Variants in BTBD9 observed in about 807,000 individuals in gnomAD.
BTBD9 encodes BTB domain containing 9.
Under a neutral mutation model 64.3 loss-of-function variants are expected in BTBD9, and 49 were observed. The observed-to-expected ratio is 0.76, with a 90% CI of 0.61 to 0.97. The LOEUF (loss-of-function observed/expected upper bound fraction) is 0.97, where lower values mean the gene tolerates loss of function less well. BTBD9 is among the 50% of genes least tolerant of loss of function. BTBD9 has a pLI of 0.00. For missense variants in BTBD9, 598 were observed against 762.1 expected (o/e 0.78, Z 2.53); for synonymous variants, 260 against 274.7 (o/e 0.95, Z 0.53).
chr6:38,577,519 T>A, intron 6 of BTBD9, 81 bp downstream of exon 6: 1 of 1,389,530 alleles, frequency 7.2e-7, no homozygotes, highest in South Asian at 1.3e-5. Flanking sequence ...TTTTTCAAGA[T>A]GAAAAATGCA....
chr6:38,183,766 G>A (rs1012456455), intron 10 of BTBD9, among the ~76,000 whole-genome samples: 29 of 152,180 alleles, frequency 1.9e-4, no homozygotes, highest in Non-Finnish European at 4.3e-4. Context: ...CAAGGGCATG[G>A]CAGTCACAGC....
chr6:38,579,188 G>T (rs1028848170), intron 5 of BTBD9, among the ~76,000 whole-genome samples: 2 of 152,286 alleles, frequency 1.3e-5, no homozygotes, highest in East Asian at 1.9e-4. Context: ...TCATGTACAT[G>T]GGAAATGCTG....
chr6:38,290,059 T>C (rs12206324), intron 7 of BTBD9, among the ~76,000 whole-genome samples: 49,101 of 150,906 alleles, frequency 0.33, 9,398 homozygotes, highest in Non-Finnish European at 0.45. Flanking sequence ...AACTCATTTA[T>C]TTTCCAAAGT....
At chr6:38,303,951 G>GTGTA (rs1450621758) in intron 7 of BTBD9, among the ~76,000 whole-genome samples, 1 of 131,368 alleles carries the variant, frequency 7.6e-6, no homozygotes, top group African/African-American at 3.2e-5. Context: ...GTGTGTGTGT[G>GTGTA]TATATATATA....
chr6:38,369,959 A>G (rs1317456489), intron 6 of BTBD9, among the ~76,000 whole-genome samples: 1 of 151,830 alleles, frequency 6.6e-6, no homozygotes, highest in Non-Finnish European at 1.5e-5. Context: ...CAGAGAGGAG[A>G]CTACACAGGC....
intron 6 of BTBD9, among the ~76,000 whole-genome samples, chr6:38,516,462 G>A (rs556118641): frequency 2.5e-4 from 38 of 152,274 alleles, no homozygotes; most frequent in Middle Eastern, 3.4e-3. Flanking sequence ...ACTACAGACC[G>A]GCAAAGAATT....
At chr6:38,235,440 G>GA (rs1763744082) in intron 9 of BTBD9, among the ~76,000 whole-genome samples, 1 of 152,168 alleles carries the variant, frequency 6.6e-6, no homozygotes, top group African/African-American at 2.4e-5. Flanking sequence ...TACAAAGAGG[G>GA]AAATGATTCT....
At chr6:38,497,507 G>A (rs1368670243) in intron 6 of BTBD9, among the ~76,000 whole-genome samples, 1 of 152,064 alleles carries the variant, frequency 6.6e-6, no homozygotes, top group Non-Finnish European at 1.5e-5. Context: ...AGGTTTCCCG[G>A]ACCCTACACA....
chr6:38,635,557 T>C (rs1410135865), intron 1 of BTBD9, among the ~76,000 whole-genome samples: 4 of 152,192 alleles, frequency 2.6e-5, no homozygotes, highest in Non-Finnish European at 5.9e-5. Context: ...GGATCTTTAG[T>C]GATTAGGCCA....
chr6:38,526,282 T>C (rs1773486559), intron 6 of BTBD9, among the ~76,000 whole-genome samples: 1 of 152,224 alleles, frequency 6.6e-6, no homozygotes, highest in South Asian at 2.1e-4. Context: ...TGGCGGCTTC[T>C]AAGTGGTATT....
chr6:38,257,387 G>A (rs1764630981), intron 8 of BTBD9, among the ~76,000 whole-genome samples: 1 of 150,556 alleles, frequency 6.6e-6, no homozygotes, highest in Non-Finnish European at 1.5e-5. Context: ...TGTAGAGTCA[G>A]GGTCTCGCTA....
intron 6 of BTBD9, chr6:38,504,514 T>A (rs1582541117): frequency 2.2e-6 from 1 of 456,712 alleles, no homozygotes; most frequent in Non-Finnish European, 4.4e-6. Context: ...CTTTGCACTG[T>A]CACTGTCAGT....
At chr6:38,609,803 G>T (rs1410203824) in intron 1 of BTBD9, among the ~76,000 whole-genome samples, 1 of 152,140 alleles carries the variant, frequency 6.6e-6, no homozygotes, top group Non-Finnish European at 1.5e-5. Flanking sequence ...CATCAAGGTT[G>T]ATCTCTGTTC....
intron 6 of BTBD9, among the ~76,000 whole-genome samples, chr6:38,411,738 C>T (rs1004853821): frequency 3.3e-5 from 5 of 152,096 alleles, no homozygotes; most frequent in African/African-American, 1.2e-4. Flanking sequence ...GAGTTTGAGA[C>T]CAGCCTGGGC....
At chr6:38,321,116 C>G (rs1184649749) in intron 7 of BTBD9, among the ~76,000 whole-genome samples, 1 of 152,190 alleles carries the variant, frequency 6.6e-6, no homozygotes, top group Non-Finnish European at 1.5e-5. Flanking sequence ...TTTAATTAAA[C>G]GAAGGGGTCT....
intron 1 of BTBD9, among the ~76,000 whole-genome samples, chr6:38,617,042 G>C (rs1238158820): frequency 6.6e-6 from 1 of 152,156 alleles, no homozygotes; most frequent in African/African-American, 2.4e-5. Context: ...TTAGAATTCA[G>C]GGGCTAAACA....
chr6:38,638,155 T>C (rs1778592516), intron 1 of BTBD9, among the ~76,000 whole-genome samples: 2 of 152,110 alleles, frequency 1.3e-5, no homozygotes, highest in Admixed American at 1.3e-4. Context: ...TTTCAAAGAG[T>C]TCCCTAACTC....
chr6:38,427,539 A>G (rs1768229265), intron 6 of BTBD9, among the ~76,000 whole-genome samples: 1 of 151,940 alleles, frequency 6.6e-6, no homozygotes, highest in South Asian at 2.1e-4. Context: ...GCCTCCCTAG[A>G]AAGGAAAAGA....
intron 6 of BTBD9, among the ~76,000 whole-genome samples, chr6:38,351,512 T>G (rs1326287351): frequency 8.5e-5 from 12 of 141,072 alleles, no homozygotes; most frequent in African/African-American, 3.1e-4. Flanking sequence ...TTGTTGTTTT[T>G]TTTTTTTTTT....
Sources: allele counts gnomAD v4.1 joint callset (sites outside exome capture counted in the v4.1 genomes callset), GRCh38; gene constraint gnomAD v4.1.1; transcripts MANE v1.5; gene names NCBI Gene and HGNC (gene_info 2026-07-23, HGNC 2026-07-21).